DPP6: variants seen among roughly 807,000 people sequenced by gnomAD.
DPP6 encodes dipeptidyl peptidase like 6, also known as A-type potassium channel modulatory protein DPP6.
In DPP6, 69 loss-of-function variants were observed where a neutral mutation model predicts 122.6. The observed-to-expected ratio is 0.56, with a 90% CI of 0.46 to 0.69. The LOEUF (loss-of-function observed/expected upper bound fraction) is 0.69, where lower values mean the gene tolerates loss of function less well. Ranked by LOEUF, DPP6 falls within the 30% of genes least tolerant of loss-of-function variation. The probability of loss-of-function intolerance (pLI) is 0.00; values close to 1 mark genes in which losing one functional copy is unlikely to be tolerated. For missense variants in DPP6, 928 were observed against 1,116.9 expected, an observed-to-expected ratio of 0.83 and a Z score of 2.41; for synonymous variants, 418 against 433.1, an observed-to-expected ratio of 0.97 and a Z score of 0.43.
chr7:153,936,806 G>A (rs908527767), intron 1 of DPP6, among the ~76,000 whole-genome samples: 8 of 89,652 alleles, frequency 8.9e-5, no homozygotes, highest in South Asian at 5.9e-4. Context: ...GTGAGACTCC[G>A]TCTCAAAAAA....
intron 1 of DPP6, among the ~76,000 whole-genome samples, chr7:154,114,591 C>T (rs540824329): frequency 6.6e-6 from 1 of 152,328 alleles, no homozygotes; most frequent in Non-Finnish European, 1.5e-5. Flanking sequence ...TGCATTGTCT[C>T]ATGCCTTTAA....
chr7:153,921,173 C>G (rs10263273), intron 1 of DPP6, among the ~76,000 whole-genome samples: 62,929 of 152,050 alleles, frequency 0.41, 13,240 homozygotes, highest in East Asian at 0.64. Context: ...ATTTTAGGTA[C>G]AGGCTGTGCT....
chr7:154,141,614 T>C (rs1207451823), intron 1 of DPP6, among the ~76,000 whole-genome samples: 6 of 152,228 alleles, frequency 3.9e-5, no homozygotes, highest in Non-Finnish European at 8.8e-5. Flanking sequence ...CATTTCCCTT[T>C]CTTCTGCTTC....
intron 1 of DPP6, among the ~76,000 whole-genome samples, chr7:153,909,525 A>G (rs1799989859): frequency 6.6e-6 from 1 of 152,142 alleles, no homozygotes. Flanking sequence ...ACTCAATACT[A>G]TAATGCCACT....
rs528243074 is a variant in DPP6, at chr7:154,630,645, G to A, written c.628-7176G>A. On this transcript the variant is annotated intron_variant, in intron 5 of 25. Transcript: ENST00000377770. ...TCATGTCCTTTGCAGGGACATGGAT[G>A]AAGCTGGAAGCCATCATTCTCAGCA... Among the ~76,000 whole-genome samples, 7 of 152,342 alleles carry A rather than the reference G, an allele frequency of 4.6e-5. No individual in the cohort carries two copies. In the South Asian group the frequency reaches 1.2e-3, roughly 27 times the overall value.
the DPP6 span, among the ~76,000 whole-genome samples, chr7:153,775,227 G>A: frequency 1.4e-5 from 2 of 144,598 alleles, no homozygotes; most frequent in Non-Finnish European, 3.0e-5. Context: ...TTCCAAGCAT[G>A]CAAGGCTTGT....
intron 1 of DPP6, among the ~76,000 whole-genome samples, chr7:153,922,775 G>C (rs562163035): frequency 6.6e-6 from 1 of 152,298 alleles, no homozygotes; most frequent in South Asian, 2.1e-4. Context: ...CTTGCATCAG[G>C]AGAGAAAGGG....
intron 1 of DPP6, among the ~76,000 whole-genome samples, chr7:154,242,947 G>A (rs563293535): frequency 6.6e-6 from 1 of 152,176 alleles, no homozygotes; most frequent in African/African-American, 2.4e-5. Context: ...CCAGAATGGA[G>A]AGAACTCATT....
intron 1 of DPP6, among the ~76,000 whole-genome samples, chr7:154,257,276 T>C (rs1802718992): frequency 6.6e-6 from 1 of 152,068 alleles, no homozygotes; most frequent in African/African-American, 2.4e-5. Context: ...TATTCCTACC[T>C]GTTGTAATGA....
chr7:153,837,328 C>T, the DPP6 span, among the ~76,000 whole-genome samples: 1 of 152,122 alleles, frequency 6.6e-6, no homozygotes, highest in Admixed American at 6.5e-5. Context: ...AACAATGGGT[C>T]ACAAGTATTA....
chr7:154,558,978 G>A (rs11765373), intron 4 of DPP6, among the ~76,000 whole-genome samples: 18,418 of 152,080 alleles, frequency 0.12, 1,346 homozygotes, highest in Admixed American at 0.16. Flanking sequence ...AAAAATATCT[G>A]GTGTTAATTT....
intron 5 of DPP6, among the ~76,000 whole-genome samples, chr7:154,614,901 A>G (rs2130822963): frequency 6.6e-6 from 1 of 152,302 alleles, no homozygotes; most frequent in African/African-American, 2.4e-5. Context: ...TCAATGTGCA[A>G]ACTAATCATT....
intron 3 of DPP6, 33 bp from the exon 4 acceptor site, chr7:154,540,499 T>G (rs1828630432): frequency 1.5e-6 from 2 of 1,341,380 alleles, no homozygotes. Flanking sequence ...CCTTGATGTT[T>G]CATGTGGTTT....
At chr7:154,069,569 TGA>T (rs1802970947) in intron 1 of DPP6, among the ~76,000 whole-genome samples, 2 of 151,982 alleles carry the variant, frequency 1.3e-5, no homozygotes, top group Admixed American at 6.6e-5. Context: ...TAAACCTGAC[TGA>T]GAGCTAGGTT....
At chr7:154,194,752 C>G (rs1257242840) in intron 1 of DPP6, among the ~76,000 whole-genome samples, 1 of 152,206 alleles carries the variant, frequency 6.6e-6, no homozygotes, top group African/African-American at 2.4e-5. Context: ...TTTTCGTGGA[C>G]TTATTCGTCT....
the DPP6 span, among the ~76,000 whole-genome samples, chr7:153,844,219 G>A: frequency 4.0e-3 from 612 of 152,274 alleles, 6 homozygotes; most frequent in Non-Finnish European, 7.2e-3. Flanking sequence ...CAATAATCAG[G>A]AGCATTTCAT....
chr7:154,776,823 C>T (rs1796605192), intron 10 of DPP6, among the ~76,000 whole-genome samples: 1 of 152,162 alleles, frequency 6.6e-6, no homozygotes, highest in African/African-American at 2.4e-5. Flanking sequence ...TAAGACACCT[C>T]GTCTGTGGAG....
At chr7:153,984,510 C>T (rs1796746580) in intron 1 of DPP6, among the ~76,000 whole-genome samples, 1 of 152,182 alleles carries the variant, frequency 6.6e-6, no homozygotes, top group Non-Finnish European at 1.5e-5. Context: ...ATGATTTGTG[C>T]ATGAAACTGC....
At chr7:153,754,686 C>T in the DPP6 span, among the ~76,000 whole-genome samples, 1 of 152,032 alleles carries the variant, frequency 6.6e-6, no homozygotes, top group Non-Finnish European at 1.5e-5. Flanking sequence ...GCTTATATTG[C>T]TTTACAGGTC....
Sources: gnomAD v4.1 joint callset for allele counts (sites outside exome capture counted in the v4.1 genomes callset) on GRCh38, gnomAD v4.1.1 for gene constraint, MANE v1.5 for transcripts, NCBI Gene and HGNC (gene_info 2026-07-23, HGNC 2026-07-21) for gene names.